Variants in PCDH19 observed in about 807,000 individuals in gnomAD.
PCDH19 encodes the protein protocadherin 19.
PCDH19 carries 6 observed loss-of-function variants against 46.2 expected under a neutral mutation model. The observed-to-expected ratio is 0.13, with a 90% CI of 0.07 to 0.26. PCDH19 has a LOEUF of 0.26. Among genes scored for constraint, PCDH19 ranks in the 10% least tolerant of loss-of-function variants. PCDH19 has a pLI of 1.00. For synonymous variants in PCDH19, 481 were observed against 415.7 expected (o/e 1.16, Z -1.91); for missense variants, 740 against 972.3 (o/e 0.76, Z 3.18).
chrX:100,334,458 T>C lies in PCDH19; in HGVS notation c.2848+7445A>G, dbSNP rs1926020442. On this transcript the variant is annotated intron_variant, in intron 5 of 5. Coordinates refer to ENST00000373034, the MANE Select transcript of PCDH19 (RefSeq NM_001184880.2). ...TGAATCCAGGAATGTGGGACTAGTG[T>C]ACATTTCCAGGGCATGATTCCCATA... is the stretch of plus-strand genomic sequence containing the variant. Among the ~76,000 whole-genome samples the C allele has an allele frequency of 3.6e-5, 4 of 111,824 alleles. No homozygotes were observed. The South Asian group carries it at 1.1e-3, about 31-fold the overall frequency.
At chrX:100,353,217 C>T (rs1441022278) in intron 3 of PCDH19, among the ~76,000 whole-genome samples, 3 of 111,810 alleles carry the variant, frequency 2.7e-5, no homozygotes, top group Non-Finnish European at 5.6e-5. Context: ...CAAACTAAAT[C>T]ATTTTTTCAA....
At chrX:100,366,588 G>T (rs753831568) in intron 3 of PCDH19, among the ~76,000 whole-genome samples, 6 of 112,217 alleles carry the variant, frequency 5.3e-5, no homozygotes, top group African/African-American at 1.3e-4. Flanking sequence ...GAGCTAGGCT[G>T]CTGTTTCTAT....
chrX:100,403,272 A>G (rs1173389004), intron 2 of PCDH19, among the ~76,000 whole-genome samples: 1 of 110,617 alleles, frequency 9.0e-6, no homozygotes, highest in Non-Finnish European at 1.9e-5. Context: ...AAAATAAAAA[A>G]TACCCGCCCC....
At chrX:100,302,913 C>A (rs934094016) in intron 5 of PCDH19, among the ~76,000 whole-genome samples, 1 of 111,487 alleles carries the variant, frequency 9.0e-6, no homozygotes, top group Admixed American at 9.5e-5. Flanking sequence ...TATTGGTCAA[C>A]GCCCCAGATA....
At chrX:100,342,851 G>C (rs1926293316) in intron 4 of PCDH19, among the ~76,000 whole-genome samples, 1 of 112,206 alleles carries the variant, frequency 8.9e-6, no homozygotes, top group South Asian at 3.7e-4. Flanking sequence ...CAGTAGCTGA[G>C]CGTGGAAGGT....
rs781719879 is a variant in PCDH19 at position 100,328,793 on chromosome X, G to A, written c.2848+13110C>T. The stretch of plus-strand genomic sequence containing the variant: ...TAATTATCCAAACTTTACTTAAATG[G>A]CAAGTCAGTCATTTTCCTTCATGAG... On this transcript the variant is annotated intron_variant, in intron 5 of 5. Transcript: ENST00000373034. Among the ~76,000 whole-genome samples, 4 of 112,275 alleles carry A rather than the reference G, an allele frequency of 3.6e-5. No individual in the cohort carries two copies. In the East Asian group the frequency reaches 1.1e-3, roughly 31 times the overall value.
chrX:100,380,568 T>C (rs1010083503), intron 3 of PCDH19, among the ~76,000 whole-genome samples: 20 of 111,625 alleles, frequency 1.8e-4, no homozygotes, highest in African/African-American at 4.9e-4. Context: ...ATATCCATAG[T>C]AAAGCAAACT....
intron 1 of PCDH19, among the ~76,000 whole-genome samples, chrX:100,406,123 C>T (rs1397732772): frequency 9.0e-6 from 1 of 111,338 alleles, no homozygotes; most frequent in Non-Finnish European, 1.9e-5. Context: ...ATCTCTCTCT[C>T]TCTCCCCCTC....
intron 5 of PCDH19, among the ~76,000 whole-genome samples, chrX:100,319,585 C>T (rs2147465134): frequency 8.9e-6 from 1 of 112,020 alleles, no homozygotes; most frequent in East Asian, 2.8e-4. Flanking sequence ...AATGAAATCA[C>T]TGGAGATAAT....
intron 3 of PCDH19, among the ~76,000 whole-genome samples, chrX:100,373,762 T>A (rs1240914257): frequency 9.0e-6 from 1 of 111,426 alleles, no homozygotes; most frequent in Admixed American, 9.5e-5. Context: ...GAAAAAAAAA[T>A]TATACAATGA....
chrX:100,382,891 C>G (rs1402695457), intron 3 of PCDH19, among the ~76,000 whole-genome samples: 2 of 112,135 alleles, frequency 1.8e-5, no homozygotes, highest in Admixed American at 9.5e-5. Flanking sequence ...ATGAGAAACT[C>G]TGAAGGAGCC....
chrX:100,386,323 A>T (rs1482288569), intron 3 of PCDH19, among the ~76,000 whole-genome samples: 1 of 111,441 alleles, frequency 9.0e-6, no homozygotes, highest in Non-Finnish European at 1.9e-5. Flanking sequence ...CGAATAAAGC[A>T]TCGTGTGCTT....
chrX:100,359,490 G>T (rs72615546), intron 3 of PCDH19, among the ~76,000 whole-genome samples: 1 of 111,519 alleles, frequency 9.0e-6, no homozygotes, highest in Non-Finnish European at 1.9e-5. Flanking sequence ...ATTGTTAGAA[G>T]GTGACCTAAG....
At chrX:100,317,144 C>T (rs973896174) in intron 5 of PCDH19, among the ~76,000 whole-genome samples, 3 of 111,445 alleles carry the variant, frequency 2.7e-5, no homozygotes, top group Non-Finnish European at 5.6e-5. Flanking sequence ...CTGAGCAAGC[C>T]GACTCCGCAG....
rs1337768474 is a variant in PCDH19, at chrX:100,292,952, C to T, written c.*3325G>A. On this transcript the variant is annotated 3_prime_UTR_variant, in exon 6 of 6. Coordinates refer to ENST00000373034, the MANE Select transcript of PCDH19 (RefSeq NM_001184880.2). Reference sequence around the variant, plus strand: ...ACTGCTATTATGTACAATAATAATCCTTTTCCACTCTGGATGCCCAATCGA... The same window carrying T: ...ACTGCTATTATGTACAATAATAATCTTTTTCCACTCTGGATGCCCAATCGA... 1 of 111,403 alleles carries T rather than the reference C, an allele frequency of 9.0e-6. No individual in the cohort carries two copies. The highest frequency in any genetic ancestry group is 3.3e-5 in the African/African-American group (1 of 30,625). 9.2% of individuals were successfully genotyped at this position (111,403 alleles called of 1,213,427 possible).
chrX:100,313,901 A>ACACACACACACACACACT (rs1220794158), intron 5 of PCDH19, among the ~76,000 whole-genome samples: 2 of 102,079 alleles, frequency 2.0e-5, no homozygotes, highest in African/African-American at 7.2e-5. Context: ...ACACACACAC[A>ACACACACACACACACACT]CACACAAAGT....
At chrX:100,378,733 A>G (rs1426890597) in intron 3 of PCDH19, among the ~76,000 whole-genome samples, 2 of 112,496 alleles carry the variant, frequency 1.8e-5, no homozygotes, top group African/African-American at 6.5e-5. Flanking sequence ...CTACGGGCAG[A>G]TAAACCTGAA....
At position 100,408,397 on chromosome X, in the gene PCDH19, C is replaced by G; in HGVS notation, c.201G>C (p.Ser67=). The change falls in exon 1 of 6, where the codon TCG becomes TCC. Residue 67 remains serine (S), a synonymous_variant. Transcript: ENST00000373034. ...QASAFRVVSN[S]APHLVDINPS... ...GATTGATGTCCACTAGGTGTGGAGC[C>G]GAGTTGGACACCACGCGAAAGGCTG... is the stretch of plus-strand genomic sequence containing the variant. 1 of 1,208,230 alleles carries G rather than the reference C, an allele frequency of 8.3e-7. No homozygotes were observed. Among genetic ancestry groups the G allele is most frequent in the Non-Finnish European group, 1.1e-6 (1 of 894,538 alleles).
chrX:100,337,062 A>T (rs1193145675), intron 5 of PCDH19, among the ~76,000 whole-genome samples: 1 of 111,282 alleles, frequency 9.0e-6, no homozygotes, highest in Admixed American at 9.5e-5. Context: ...GATACCCCTA[A>T]TCACGCAACA....
Sources: gnomAD v4.1 joint callset for allele counts (sites outside exome capture counted in the v4.1 genomes callset) on GRCh38, gnomAD v4.1.1 for gene constraint, MANE v1.5 for transcripts, NCBI Gene and HGNC (gene_info 2026-07-23, HGNC 2026-07-21) for gene names.